Variants in MSN observed in about 807,000 individuals in gnomAD.
MSN encodes the protein epididymis luminal protein 70.
A neutral mutation model predicts 48.0 loss-of-function variants in MSN; 2 were observed. The observed-to-expected ratio is 0.04, with a 90% confidence interval of 0.02 to 0.13. The LOEUF (loss-of-function observed/expected upper bound fraction) is 0.13, where lower values mean the gene tolerates loss of function less well. Ranked by LOEUF, MSN falls within the 10% of genes least tolerant of loss-of-function variation. The pLI is 1.00. For missense variants in MSN, 267 were observed against 470.1 expected (o/e 0.57, Z 3.99); for synonymous variants, 146 against 166.9 (o/e 0.87, Z 0.97).
chrX:65,623,096 G>A (rs2070467086), intron 1 of MSN, among the ~76,000 whole-genome samples: 1 of 108,478 alleles, frequency 9.2e-6, no homozygotes, highest in Admixed American at 9.7e-5. Context: ...CAATTCATGT[G>A]ATAAATCCTA....
intron 1 of MSN, among the ~76,000 whole-genome samples, chrX:65,669,039 A>G (rs1306444116): frequency 9.0e-6 from 1 of 111,582 alleles, no homozygotes; most frequent in Non-Finnish European, 1.9e-5. Flanking sequence ...TTGCCACGTT[A>G]CTGTATACCA....
intron 1 of MSN, among the ~76,000 whole-genome samples, chrX:65,609,149 T>A (rs903217720): frequency 8.7e-5 from 9 of 103,554 alleles, no homozygotes; most frequent in Non-Finnish European, 1.2e-4. Flanking sequence ...CCTGAAGGTG[T>A]TGGTGGGGAG....
At position 65,626,825 on chromosome X, in the gene MSN, C is replaced by T. The variant is rs781713412; in HGVS notation, c.-22+38213C>T. On this transcript the variant is annotated intron_variant, in intron 1 of 3. Transcript: ENST00000609672. ...GAGTTAAAATAAACAAAAACAAGTG[C>T]CTGTGTCAGTCTTTCAGGAAGCCCC... Among the ~76,000 whole-genome samples, 4 of 99,905 alleles carry T rather than the reference C, an allele frequency of 4.0e-5. No individual in the cohort carries two copies. In the East Asian group the frequency reaches 1.1e-3, roughly 28 times the overall value. The allele number at this position is 99,905 out of a possible 115,157, so 86.8% of individuals were successfully genotyped here.
chrX:65,708,958 C>T (rs1165248459), intron 1 of MSN, among the ~76,000 whole-genome samples: 1 of 112,160 alleles, frequency 8.9e-6, no homozygotes, highest in East Asian at 2.8e-4. Flanking sequence ...GTTGGGATTA[C>T]AGGCATGAGC....
chrX:65,710,391 G>A (rs761168300), intron 1 of MSN, among the ~76,000 whole-genome samples: 2 of 111,476 alleles, frequency 1.8e-5, no homozygotes, highest in Non-Finnish European at 3.8e-5. Context: ...TGGGTGAATT[G>A]AAATGAATTT....
intron 1 of MSN, among the ~76,000 whole-genome samples, chrX:65,615,177 G>T (rs1350371518): frequency 1.8e-5 from 2 of 110,379 alleles, no homozygotes; most frequent in African/African-American, 6.6e-5. Context: ...GTGTGCATGT[G>T]TCTTTATAGC....
chrX:65,737,116 A>T, intron 9 of MSN, 62 bp from the exon 10 acceptor site: 14 of 1,156,903 alleles, frequency 1.2e-5, no homozygotes, highest in Non-Finnish European at 1.6e-5. Flanking sequence ...CCAGGAACGA[A>T]GCTATTGTGT....
intron 1 of MSN, among the ~76,000 whole-genome samples, chrX:65,653,478 G>A (rs2070756863): frequency 9.0e-6 from 1 of 111,176 alleles, no homozygotes; most frequent in Non-Finnish European, 1.9e-5. Context: ...GTTCTGGTCT[G>A]AGACTAGGGA....
chrX:65,664,519 A>G (rs1181344415), upstream of MSN, among the ~76,000 whole-genome samples: 1 of 111,567 alleles, frequency 9.0e-6, no homozygotes, highest in East Asian at 2.8e-4. Context: ...TCTTCTGTAC[A>G]TTAGCTATCT....
intron 1 of MSN, among the ~76,000 whole-genome samples, chrX:65,671,039 T>TA (rs1314702102): frequency 2.0e-5 from 2 of 100,486 alleles, no homozygotes; most frequent in African/African-American, 7.2e-5. Context: ...TTGGATTTCC[T>TA]AAAAAAAGAG....
intron 7 of MSN, among the ~76,000 whole-genome samples, chrX:65,733,676 CCTCT>C (rs749354823): frequency 0.017 from 1,829 of 110,093 alleles, 43 homozygotes; most frequent in African/African-American, 0.056. Context: ...TTCCTTCCTT[CCTCT>C]CTCTCTCTCT....
chrX:65,598,600 T>C (rs1212720846), intron 1 of MSN, among the ~76,000 whole-genome samples: 1 of 111,372 alleles, frequency 9.0e-6, no homozygotes, highest in Non-Finnish European at 1.9e-5. Context: ...CAGAGAGCAA[T>C]TGAGCTTTGT....
intron 1 of MSN, among the ~76,000 whole-genome samples, chrX:65,672,624 C>T (rs182222192): frequency 8.9e-6 from 1 of 111,890 alleles, no homozygotes; most frequent in Non-Finnish European, 1.9e-5. Context: ...CATCACTGAA[C>T]TGAGAATTTT....
intron 1 of MSN, chrX:65,624,698 A>T (rs1332782935): frequency 9.4e-6 from 1 of 106,736 alleles, no homozygotes; most frequent in Non-Finnish European, 1.9e-5. Flanking sequence ...AGGCACAAGA[A>T]TTGCTTGAAC....
At chrX:65,599,979 G>A (rs1339538714) in intron 1 of MSN, among the ~76,000 whole-genome samples, 4 of 109,936 alleles carry the variant, frequency 3.6e-5, no homozygotes, top group Admixed American at 9.7e-5. Context: ...TCAGGGAGCC[G>A]TGACAGATCT....
rs2071723108 is a variant in MSN at position 65,740,264 on chromosome X, T to C, written c.*371T>C. On this transcript the variant is annotated 3_prime_UTR_variant, in exon 13 of 13. Coordinates refer to ENST00000360270, the MANE Select transcript of MSN (RefSeq NM_002444.3). ...GTAGGTTGGAAGCTAGCTCCCCTCCTCTCCCCTACCACTGTCTTCTTCAGG... is the reference window on the plus strand; with the variant it reads ...GTAGGTTGGAAGCTAGCTCCCCTCCCCTCCCCTACCACTGTCTTCTTCAGG... The C allele has an allele frequency of 1.0e-5, 2 of 196,896 alleles. No homozygotes were observed. The highest frequency in any genetic ancestry group is 7.2e-5 in the Admixed American group (1 of 13,867). The allele number at this position is 196,896 out of a possible 1,213,427, so 16.2% of individuals were successfully genotyped here.
At chrX:65,672,505 T>C (rs902108557) in intron 1 of MSN, among the ~76,000 whole-genome samples, 1 of 111,885 alleles carries the variant, frequency 8.9e-6, no homozygotes, top group Non-Finnish European at 1.9e-5. Flanking sequence ...TTGAGAGAGC[T>C]GAAAAACTTT....
At chrX:65,596,517 C>T (rs923393570) in intron 1 of MSN, among the ~76,000 whole-genome samples, 1 of 111,005 alleles carries the variant, frequency 9.0e-6, no homozygotes, top group Admixed American at 9.6e-5. Context: ...TAATTGCTAG[C>T]TGGGACATCA....
chrX:65,622,245 CCACCA>C (rs1569455240), intron 1 of MSN, among the ~76,000 whole-genome samples: 1 of 107,543 alleles, frequency 9.3e-6, no homozygotes, highest in Non-Finnish European at 1.9e-5. Flanking sequence ...CAGGCACCTG[CCACCA>C]CACCTGGCTA....
Sources: gnomAD v4.1 joint callset for allele counts (sites outside exome capture counted in the v4.1 genomes callset) on GRCh38, gnomAD v4.1.1 for gene constraint, MANE v1.5 for transcripts, NCBI Gene and HGNC (gene_info 2026-07-23, HGNC 2026-07-21) for gene names.